The following SPON1 variants were observed in gnomAD, a reference collection of about 807,000 sequenced individuals.
The protein encoded by SPON1 is spondin-1.
SPON1 carries 52 observed loss-of-function variants against 111.7 expected under a neutral mutation model. That is an observed-to-expected ratio of 0.47 (90% confidence interval 0.37 to 0.59). The LOEUF (loss-of-function observed/expected upper bound fraction) is 0.59. SPON1 is among the 20% of genes least tolerant of loss of function. The pLI is 0.00. For synonymous variants in SPON1, 410 were observed against 395.8 expected, an observed-to-expected ratio of 1.04 and a Z score of -0.43; for missense variants, 957 against 1,068.5, an observed-to-expected ratio of 0.90 and a Z score of 1.46.
chr11:14,007,134 T>G (rs916974442), intron 2 of SPON1, among the ~76,000 whole-genome samples: 2 of 152,188 alleles, frequency 1.3e-5, no homozygotes, highest in Non-Finnish European at 2.9e-5. Flanking sequence ...AGGCATTAGA[T>G]TCTCATAAGG....
chr11:14,263,490 G>A lies in SPON1; in HGVS notation c.2260+515G>A, dbSNP rs373365025. On this transcript the variant is annotated intron_variant, in intron 15 of 15. Coordinates refer to ENST00000576479, the MANE Select transcript of SPON1 (RefSeq NM_006108.4). ...GGCTCAGACAAGGCAGCCGTGGCCTGAGACTTTATGATTTTTTTTTGCAAG... is the reference window on the plus strand; with the variant it reads ...GGCTCAGACAAGGCAGCCGTGGCCTAAGACTTTATGATTTTTTTTTGCAAG... 2.0e-3 allele frequency among the ~76,000 whole-genome samples: 308 copies of A among 151,990 alleles called. 3 individuals carry two copies. Among genetic ancestry groups the A allele is most frequent in the South Asian group, 0.017 (81 of 4,826 alleles).
Position 14,152,342 on chromosome 11 carries a change from A to G in SPON1, c.825+16774A>G, listed in dbSNP as rs149083497. On this transcript the variant is annotated intron_variant, in intron 6 of 15. Transcript: ENST00000576479. ...CTCCAGTTACAGTACTTCTTAATTTATCTTCTATTCAAAGGCAAAACTACT... is the reference window on the plus strand; with the variant it reads ...CTCCAGTTACAGTACTTCTTAATTTGTCTTCTATTCAAAGGCAAAACTACT... 8.0e-4 allele frequency among the ~76,000 whole-genome samples: 122 copies of G among 152,316 alleles called. 2 individuals carry two copies. Among genetic ancestry groups the G allele is most frequent in the African/African-American group, 2.8e-3 (116 of 41,574 alleles).
intron 6 of SPON1, among the ~76,000 whole-genome samples, chr11:14,205,950 C>G (rs140542495): frequency 2.0e-5 from 3 of 152,070 alleles, no homozygotes; most frequent in Non-Finnish European, 4.4e-5. Context: ...TGCTACTTTC[C>G]CCATCCATCT....
At chr11:13,989,270 G>A (rs115345519) in intron 2 of SPON1, among the ~76,000 whole-genome samples, 14,072 of 152,152 alleles carry the variant, frequency 0.092, 691 homozygotes, top group South Asian at 0.18. Flanking sequence ...TCATGGTTTC[G>A]ACTTGGGAGG....
intron 6 of SPON1, among the ~76,000 whole-genome samples, chr11:14,146,411 A>C (rs1242496974): frequency 1.3e-5 from 2 of 152,116 alleles, no homozygotes; most frequent in African/African-American, 4.8e-5. Flanking sequence ...TGGCCTCCCA[A>C]AGTTCTGGGA....
At chr11:13,993,908 A>G (rs1443672588) in intron 2 of SPON1, among the ~76,000 whole-genome samples, 1 of 152,220 alleles carries the variant, frequency 6.6e-6, no homozygotes, top group Non-Finnish European at 1.5e-5. Flanking sequence ...TCCTTCAGGC[A>G]TCAACTAGTT....
intron 6 of SPON1, among the ~76,000 whole-genome samples, chr11:14,188,195 A>C (rs1451758145): frequency 6.6e-6 from 1 of 152,182 alleles, no homozygotes; most frequent in African/African-American, 2.4e-5. Flanking sequence ...GGTCTGAGCC[A>C]CTGTGCCCGG....
Position 13,982,851 on chromosome 11 carries a change from A to T in SPON1, c.243A>T (p.Thr81=). The T allele has an allele frequency of 6.4e-7, 1 of 1,554,350 alleles. No homozygotes were observed. The highest frequency in any genetic ancestry group is 8.7e-7 in the Non-Finnish European group (1 of 1,146,898). The change falls in exon 2 of 16, where the codon ACA becomes ACT. Residue 81 remains threonine (T), a synonymous_variant. Transcript: ENST00000576479. ...TGCTTTTTTCTCTCTCTGCAGTAAC[A>T]CTTTCAGCTGCTCCTCCCTCCTACT... ...FYKPGTSYRV[T]LSAAPPSYFR... is the part of the protein sequence containing the mutation.
At chr11:13,974,336 G>A (rs2133776244) in intron 1 of SPON1, among the ~76,000 whole-genome samples, 1 of 152,318 alleles carries the variant, frequency 6.6e-6, no homozygotes, top group African/African-American at 2.4e-5. Flanking sequence ...GCTGGCCATA[G>A]GATGGAGCTG....
At chr11:14,112,523 A>C (rs1849233961) in intron 5 of SPON1, among the ~76,000 whole-genome samples, 1 of 152,230 alleles carries the variant, frequency 6.6e-6, no homozygotes, top group African/African-American at 2.4e-5. Flanking sequence ...TACTAACTTC[A>C]TAGGACTAAT....
intron 3 of SPON1, among the ~76,000 whole-genome samples, chr11:14,067,087 G>A (rs1338959866): frequency 1.3e-5 from 2 of 152,172 alleles, no homozygotes; most frequent in Non-Finnish European, 2.9e-5. Context: ...TGAGCCAGGA[G>A]GATCACTTGA....
chr11:14,255,587 G>T (rs1849097444), intron 8 of SPON1, 60 bp from the exon 9 acceptor site: 3 of 1,547,662 alleles, frequency 1.9e-6, no homozygotes, highest in African/African-American at 1.4e-5. Flanking sequence ...ATAACAAATG[G>T]CTTTTGTGGG....
intron 1 of SPON1, among the ~76,000 whole-genome samples, chr11:13,973,450 A>G (rs1306694096): frequency 6.6e-6 from 1 of 152,182 alleles, no homozygotes; most frequent in Non-Finnish European, 1.5e-5. Context: ...CATCCTTCCC[A>G]TTATTCCTCC....
At chr11:14,042,827 T>C (rs1479526247) in intron 3 of SPON1, among the ~76,000 whole-genome samples, 1 of 152,204 alleles carries the variant, frequency 6.6e-6, no homozygotes, top group Non-Finnish European at 1.5e-5. Context: ...GCTTGGCTTA[T>C]GGAAAAAACC....
intron 14 of SPON1, 21 bp from the exon 15 acceptor site, chr11:14,262,691 T>C (rs782346622): frequency 1.2e-6 from 2 of 1,613,768 alleles, no homozygotes; most frequent in Non-Finnish European, 8.5e-7. Flanking sequence ...GATACACTCA[T>C]GCCCATCTGT....
rs139198251 is a variant in SPON1 at position 14,070,174 on chromosome 11, T to TC, written c.480-5170dup. On this transcript the variant is annotated intron_variant, in intron 3 of 15. Coordinates refer to ENST00000576479, the MANE Select transcript of SPON1 (RefSeq NM_006108.4). ...CTGGGTCATCCCACAGTTAATTTTT[T>TC]CATTGGTAGATGGGAATAAATATTG... Among the ~76,000 whole-genome samples the TC allele has an allele frequency of 5.5e-3, 844 of 152,320 alleles. 9 individuals are homozygous for TC. Among genetic ancestry groups the TC allele is most frequent in the African/African-American group, 0.019 (807 of 41,552 alleles).
At chr11:14,227,494 T>C (rs1729509057) in intron 6 of SPON1, among the ~76,000 whole-genome samples, 3 of 152,200 alleles carry the variant, frequency 2.0e-5, no homozygotes, top group Admixed American at 2.0e-4. Flanking sequence ...TGAAAATAAC[T>C]CACCCAAAAC....
Position 14,266,696 on chromosome 11 carries a change from C to T in SPON1, c.*1009C>T, listed in dbSNP as rs574021908. The T allele has an allele frequency of 1.3e-5, 2 of 152,092 alleles. No individual in the cohort carries two copies. Among genetic ancestry groups the T allele is most frequent in the Non-Finnish European group, 2.9e-5 (2 of 68,032 alleles). 9.4% of individuals were successfully genotyped at this position (152,092 alleles called of 1,614,324 possible). On this transcript the variant is annotated 3_prime_UTR_variant, in exon 16 of 16. Transcript: ENST00000576479. ...CCTTCAACAAAATACAATCTCTGTA[C>T]TTTAAAGTTATTTTAGTCATGAAAT... is the stretch of plus-strand genomic sequence containing the variant.
chr11:14,256,608 C>G lies in SPON1; in HGVS notation c.1234-9C>G. ...CATGTGAGCCCTCCAAGTAAAATTC[C>G]TTTTTCAGGGTGAACAATGCAATAT... On this transcript the variant is annotated splice_polypyrimidine_tract_variant and intron_variant, in intron 9 of 15. Coordinates refer to ENST00000576479, the MANE Select transcript of SPON1 (RefSeq NM_006108.4). 6.2e-7 allele frequency: 1 copy of G among 1,609,042 alleles called. No individual in the cohort carries two copies. The highest frequency in any genetic ancestry group is 8.5e-7 in the Non-Finnish European group (1 of 1,176,830).
Sources: gnomAD v4.1 joint callset for allele counts (sites outside exome capture counted in the v4.1 genomes callset) on GRCh38, gnomAD v4.1.1 for gene constraint, MANE v1.5 for transcripts, NCBI Gene and HGNC (gene_info 2026-07-23, HGNC 2026-07-21) for gene names.